Variants in MYO5B observed in about 807,000 individuals in gnomAD.
MYO5B encodes the protein myosin VB, also known as unconventional myosin-Vb.
A neutral mutation model predicts 229.3 loss-of-function variants in MYO5B; 143 were observed. That is an observed-to-expected ratio of 0.62 (90% CI 0.54 to 0.72). The LOEUF is 0.72. MYO5B is among the 30% of genes least tolerant of loss of function. MYO5B has a pLI of 0.00. For synonymous variants in MYO5B, 918 were observed against 885.2 expected (o/e 1.04, Z -0.66); for missense variants, 2,321 against 2,331.0 (o/e 1.00, Z 0.09).
At chr18:50,160,817 C>T (rs1322868013) in intron 1 of MYO5B, among the ~76,000 whole-genome samples, 1 of 152,176 alleles carries the variant, frequency 6.6e-6, no homozygotes, top group Non-Finnish European at 1.5e-5. Flanking sequence ...CTAGTCCCTC[C>T]ACTCTCGATT....
chr18:49,954,036 G>A (rs1365166099), intron 13 of MYO5B, among the ~76,000 whole-genome samples: 4 of 139,686 alleles, frequency 2.9e-5, no homozygotes, highest in South Asian at 2.3e-4. Context: ...GTGTGTGTGT[G>A]TGTGTGTGTG....
intron 2 of MYO5B, among the ~76,000 whole-genome samples, chr18:50,041,999 C>CA (rs1598974162): frequency 6.6e-6 from 1 of 152,248 alleles, no homozygotes; most frequent in East Asian, 1.9e-4. Flanking sequence ...AAAAACTATT[C>CA]AACTTCATCA....
intron 1 of MYO5B, among the ~76,000 whole-genome samples, chr18:50,133,593 C>T (rs576604527): frequency 1.3e-5 from 2 of 152,212 alleles, no homozygotes; most frequent in East Asian, 1.9e-4. Flanking sequence ...TCCGTCCGTC[C>T]GTCTGTCTGT....
At chr18:50,188,496 G>A (rs1249410806) in intron 1 of MYO5B, among the ~76,000 whole-genome samples, 1 of 152,230 alleles carries the variant, frequency 6.6e-6, no homozygotes, top group East Asian at 1.9e-4. Context: ...TATGGCCTCT[G>A]TTCTCCAGAA....
At chr18:50,054,415 A>G (rs2030487582) in intron 2 of MYO5B, among the ~76,000 whole-genome samples, 1 of 152,172 alleles carries the variant, frequency 6.6e-6, no homozygotes, top group African/African-American at 2.4e-5. Flanking sequence ...ATTTATCATA[A>G]TACTTTGTCT....
rs185453719 is a variant in MYO5B at position 49,899,634 on chromosome 18, G to T, written c.2811+2960C>A. Among the ~76,000 whole-genome samples the T allele has an allele frequency of 2.8e-3, 426 of 152,350 alleles. 9 individuals are homozygous for T. In the South Asian group the frequency reaches 0.045, roughly 16 times the overall value. On this transcript the variant is annotated intron_variant, in intron 21 of 39. Transcript: ENST00000285039. ...GCTACTTACTAGCTGTGTGACCTCA[G>T]TCAAGCTACTTAACCTCTGTGTGCC...
intron 1 of MYO5B, 99 bp from the exon 2 acceptor site, chr18:50,055,477 A>G: frequency 1.1e-6 from 1 of 907,516 alleles, no homozygotes; most frequent in East Asian, 2.5e-5. Context: ...GAGAACTTCT[A>G]AAGCTATCTG....
Position 49,906,587 on chromosome 18 carries a change from C to A in MYO5B, c.2246G>T (p.Arg749Leu). Residue 749 changes from arginine to leucine, a missense_variant, in exon 19 of 40, where the codon CGA becomes CTA. By Grantham distance (102) the Arg-to-Leu change is moderately radical. Coordinates refer to ENST00000285039, the MANE Select transcript of MYO5B (RefSeq NM_001080467.3). ...CTCCAGGTAGGCCACCTGGCCTGCT[C>A]GAAAGAAGATCTTGGTGCGGCCAAA... ...FQFGRTKIFF[R>L]AGQVAYLEKL... The A allele has an allele frequency of 6.2e-7, 1 of 1,614,068 alleles. No individual in the cohort carries two copies. Among genetic ancestry groups the A allele is most frequent in the South Asian group, 1.1e-5 (1 of 91,070 alleles).
chr18:50,110,943 C>A (rs1417197324), intron 1 of MYO5B, among the ~76,000 whole-genome samples: 1 of 152,114 alleles, frequency 6.6e-6, no homozygotes, highest in East Asian at 1.9e-4. Flanking sequence ...TCATAGTGTA[C>A]CATAAACAGA....
At chr18:49,958,327 A>G (rs573676462) in intron 12 of MYO5B, among the ~76,000 whole-genome samples, 103 of 152,354 alleles carry the variant, frequency 6.8e-4, no homozygotes, top group African/African-American at 2.2e-3. Context: ...AACCACAGCC[A>G]AACAATCTGC....
At chr18:49,908,143 C>T (rs1787564) in intron 18 of MYO5B, among the ~76,000 whole-genome samples, 89,264 of 151,982 alleles carry the variant, frequency 0.59, 26,387 homozygotes, top group Middle Eastern at 0.67. Flanking sequence ...GCTTCATTCC[C>T]TATTTCGGAA....
chr18:50,049,139 CAG>C (rs2030324480), intron 2 of MYO5B, among the ~76,000 whole-genome samples: 3 of 151,954 alleles, frequency 2.0e-5, no homozygotes, highest in Non-Finnish European at 4.4e-5. Context: ...AAGACTTCTA[CAG>C]ATTCTTGAAA....
chr18:50,149,326 A>T (rs2144300021), intron 1 of MYO5B, among the ~76,000 whole-genome samples: 1 of 151,126 alleles, frequency 6.6e-6, no homozygotes, highest in South Asian at 2.1e-4. Flanking sequence ...CAGAATTGGA[A>T]AAAACTACTT....
intron 16 of MYO5B, among the ~76,000 whole-genome samples, chr18:49,935,797 G>C (rs575110401): frequency 6.6e-6 from 1 of 152,182 alleles, no homozygotes; most frequent in African/African-American, 2.4e-5. Context: ...AGCAAATGTG[G>C]ATAATTCTGG....
chr18:50,148,803 T>A (rs1471671793), intron 1 of MYO5B, among the ~76,000 whole-genome samples: 1 of 152,110 alleles, frequency 6.6e-6, no homozygotes, highest in East Asian at 1.9e-4. Flanking sequence ...TCACCACTCC[T>A]ATTCAACATA....
At chr18:49,939,061 A>G (rs528033792) in intron 14 of MYO5B, among the ~76,000 whole-genome samples, 36 of 152,328 alleles carry the variant, frequency 2.4e-4, no homozygotes, top group South Asian at 1.0e-3. Flanking sequence ...AGCATGTAGA[A>G]AAGTGTCCAG....
At chr18:49,909,003 C>A (rs1425561642) in intron 18 of MYO5B, among the ~76,000 whole-genome samples, 1 of 152,226 alleles carries the variant, frequency 6.6e-6, no homozygotes, top group Non-Finnish European at 1.5e-5. Context: ...CCCCAGGCTG[C>A]CCCTCCAGGA....
chr18:49,864,220 T>G lies in MYO5B; in HGVS notation c.3764A>C (p.Glu1255Ala), dbSNP rs781569396. Residue 1255 changes from glutamate (E) to alanine (A), a missense_variant, in exon 28 of 40, where the codon GAG becomes GCG. Coordinates refer to ENST00000285039, the MANE Select transcript of MYO5B (RefSeq NM_001080467.3). ...NQLKLAHEEL[E>A]VRKEEVLILR... is the part of the protein sequence containing the mutation. Reference sequence around the variant, plus strand: ...GATGAGCACCTCCTCCTTGCGCACCTCGAGCTCCTCGTGGGCCAGCTTGAG... The same window carrying G: ...GATGAGCACCTCCTCCTTGCGCACCGCGAGCTCCTCGTGGGCCAGCTTGAG... The G allele has an allele frequency of 1.9e-6, 3 of 1,613,918 alleles. No individual in the cohort carries two copies. Among genetic ancestry groups the G allele is most frequent in the Non-Finnish European group, 2.5e-6 (3 of 1,180,034 alleles).
At chr18:49,884,068 TGCCAAAAGCACAAGCCACCAAATACAA>T (rs2024617765) in intron 22 of MYO5B, among the ~76,000 whole-genome samples, 1 of 25,454 alleles carries the variant, frequency 3.9e-5, no homozygotes, top group African/African-American at 1.2e-4. Flanking sequence ...CCAAATACAA[TGCCAAAAGCACAAGCCACCAAATACAA>T]TGCCAAAAGC....
Sources: allele counts gnomAD v4.1 joint callset (sites outside exome capture counted in the v4.1 genomes callset), GRCh38; gene constraint gnomAD v4.1.1; transcripts MANE v1.5; gene names NCBI Gene and HGNC (gene_info 2026-07-23, HGNC 2026-07-21).